Variants in CSMD1 observed in about 807,000 individuals in gnomAD.
CSMD1 encodes CUB and sushi domain-containing protein 1.
In CSMD1, 213 loss-of-function variants were observed where a neutral mutation model predicts 417.5. The ratio of observed to expected loss-of-function variants is 0.51; its 90% CI spans 0.46 to 0.57. CSMD1 has a LOEUF of 0.57. Among genes scored for constraint, CSMD1 ranks in the 20% least tolerant of loss-of-function variants. The pLI, the probability that CSMD1 is intolerant of heterozygous loss-of-function variation, is 0.00. For synonymous variants in CSMD1, 2,862 were observed against 1,736.8 expected (o/e 1.65, Z -16.11); for missense variants, 6,923 against 4,529.7 (o/e 1.53, Z -15.17).
chr8:4,328,897 G>A (rs1172323922), intron 3 of CSMD1, among the ~76,000 whole-genome samples: 1 of 152,172 alleles, frequency 6.6e-6, no homozygotes, highest in East Asian at 1.9e-4. Context: ...ACATTCATTT[G>A]TATATATTGG....
At chr8:4,047,906 T>C (rs919695858) in intron 3 of CSMD1, among the ~76,000 whole-genome samples, 1 of 152,184 alleles carries the variant, frequency 6.6e-6, no homozygotes, top group East Asian at 1.9e-4. Flanking sequence ...TTTGATTTTA[T>C]GTAGTATTAT....
intron 3 of CSMD1, among the ~76,000 whole-genome samples, chr8:4,347,497 G>C (rs1398010845): frequency 2.0e-5 from 3 of 152,114 alleles, no homozygotes; most frequent in African/African-American, 4.8e-5. Context: ...GACTAAAGGA[G>C]ACTAAATTAT....
chr8:3,989,589 G>A (rs1012451765), intron 5 of CSMD1, among the ~76,000 whole-genome samples: 3 of 152,216 alleles, frequency 2.0e-5, no homozygotes, highest in Admixed American at 2.0e-4. Context: ...ATTGCATTAA[G>A]AGATTTCTCA....
Position 3,835,182 on chromosome 8 carries a change from T to C in CSMD1, c.819-81140A>G, listed in dbSNP as rs532798241. Among the ~76,000 whole-genome samples, 7 of 148,794 alleles carry C rather than the reference T, an allele frequency of 4.7e-5. No homozygotes were observed. In the East Asian group the frequency reaches 5.9e-4, roughly 12 times the overall value. Reference sequence around the variant, plus strand: ...TGGCGATTCCTCAGGGATCTAGAACTAGAAATACCATTTGACCCAGCCATC... The same window carrying C: ...TGGCGATTCCTCAGGGATCTAGAACCAGAAATACCATTTGACCCAGCCATC... On this transcript the variant is annotated intron_variant, in intron 5 of 69. Coordinates refer to ENST00000635120, the MANE Select transcript of CSMD1 (RefSeq NM_033225.6).
chr8:3,197,310 C>G (rs1246922849), intron 33 of CSMD1, among the ~76,000 whole-genome samples: 1 of 152,116 alleles, frequency 6.6e-6, no homozygotes, highest in Non-Finnish European at 1.5e-5. Flanking sequence ...TATAACAGAA[C>G]TGTGTCTGTT....
intron 3 of CSMD1, among the ~76,000 whole-genome samples, chr8:4,114,191 C>G (rs953771472): frequency 6.6e-6 from 1 of 152,190 alleles, no homozygotes; most frequent in African/African-American, 2.4e-5. Context: ...CTATTAGGAG[C>G]TCATGCAGCT....
intron 8 of CSMD1, among the ~76,000 whole-genome samples, chr8:3,596,109 A>G (rs1421704810): frequency 6.6e-6 from 1 of 152,168 alleles, no homozygotes; most frequent in Admixed American, 6.5e-5. Flanking sequence ...CGTTTTGCGG[A>G]TCATGCTCTT....
intron 5 of CSMD1, among the ~76,000 whole-genome samples, chr8:3,884,263 C>G (rs1265505272): frequency 1.3e-5 from 2 of 152,146 alleles, no homozygotes; most frequent in Non-Finnish European, 2.9e-5. Context: ...TCTAACCTGT[C>G]TTCAACTTAA....
At chr8:3,059,830 G>A (rs1585249491) in intron 49 of CSMD1, among the ~76,000 whole-genome samples, 1 of 152,116 alleles carries the variant, frequency 6.6e-6, no homozygotes, top group South Asian at 2.1e-4. Flanking sequence ...AAGCAAGAGA[G>A]AGAAGTGATT....
chr8:3,728,966 C>T (rs970726493), intron 6 of CSMD1, among the ~76,000 whole-genome samples: 1 of 152,196 alleles, frequency 6.6e-6, no homozygotes, highest in Admixed American at 6.5e-5. Context: ...GTTCGAATAT[C>T]TGCAGGGCTG....
chr8:3,462,871 T>C (rs1816594234), intron 12 of CSMD1, among the ~76,000 whole-genome samples: 1 of 152,094 alleles, frequency 6.6e-6, no homozygotes, highest in African/African-American at 2.4e-5. Flanking sequence ...ACCTCAAATT[T>C]GATGGTTTTC....
At chr8:3,533,696 T>G (rs1798072813) in intron 10 of CSMD1, among the ~76,000 whole-genome samples, 1 of 152,182 alleles carries the variant, frequency 6.6e-6, no homozygotes, top group Non-Finnish European at 1.5e-5. Flanking sequence ...TCACCACACG[T>G]GCCTCCACCG....
intron 3 of CSMD1, among the ~76,000 whole-genome samples, chr8:4,198,831 C>G (rs1585007548): frequency 6.6e-6 from 1 of 152,176 alleles, no homozygotes; most frequent in East Asian, 1.9e-4. Flanking sequence ...AGTTAAAGTA[C>G]CATCTCAGGA....
At chr8:4,832,405 A>C (rs1408284361) in intron 1 of CSMD1, among the ~76,000 whole-genome samples, 1 of 152,194 alleles carries the variant, frequency 6.6e-6, no homozygotes, top group Non-Finnish European at 1.5e-5. Flanking sequence ...GGACATTGAC[A>C]TCTACTAAGA....
intron 3 of CSMD1, among the ~76,000 whole-genome samples, chr8:4,312,686 G>C (rs1798697176): frequency 6.6e-6 from 1 of 151,772 alleles, no homozygotes; most frequent in Non-Finnish European, 1.5e-5. Flanking sequence ...AGACCAGCCT[G>C]GCCAACCTGA....
At position 3,100,635 on chromosome 8, in the gene CSMD1, C is replaced by A. The variant is rs11991618; in HGVS notation, c.6950-3598G>T. ...GCTTGCCTCTCTCAGACATCACCTG[C>A]GCCTCGAGTTATGATCCTTCTGCAC... On this transcript the variant is annotated intron_variant, in intron 46 of 69. Coordinates refer to ENST00000635120, the MANE Select transcript of CSMD1 (RefSeq NM_033225.6). Among the ~76,000 whole-genome samples the A allele has an allele frequency of 6.9e-3, 1,044 of 152,300 alleles. 11 individuals are homozygous for A. The highest frequency in any genetic ancestry group is 0.037 in the Middle Eastern group (11 of 294).
At chr8:3,198,086 G>A (rs928034470) in intron 33 of CSMD1, among the ~76,000 whole-genome samples, 3 of 152,070 alleles carry the variant, frequency 2.0e-5, no homozygotes, top group Non-Finnish European at 2.9e-5. Flanking sequence ...CTACTTTTCC[G>A]TATCTTTGAC....
chr8:3,976,675 C>T (rs1340746893), intron 5 of CSMD1, among the ~76,000 whole-genome samples: 1 of 152,120 alleles, frequency 6.6e-6, no homozygotes, highest in Non-Finnish European at 1.5e-5. Context: ...TTGCGCATTC[C>T]CTATTCTAAG....
intron 12 of CSMD1, among the ~76,000 whole-genome samples, chr8:3,427,681 T>C (rs1464628122): frequency 6.6e-6 from 1 of 152,222 alleles, no homozygotes; most frequent in Non-Finnish European, 1.5e-5. Context: ...TAACTCACTT[T>C]ATCCCTTTTA....
Sources: gnomAD v4.1 joint callset for allele counts (sites outside exome capture counted in the v4.1 genomes callset) on GRCh38, gnomAD v4.1.1 for gene constraint, MANE v1.5 for transcripts, NCBI Gene and HGNC (gene_info 2026-07-23, HGNC 2026-07-21) for gene names.